The following LRRTM4 variants were observed in gnomAD, a reference collection of about 807,000 sequenced individuals.
LRRTM4 encodes leucine rich repeat transmembrane neuronal 4.
A neutral mutation model predicts 47.6 loss-of-function variants in LRRTM4; 25 were observed. That is an observed-to-expected ratio of 0.53 (90% confidence interval 0.38 to 0.73). LRRTM4 has a LOEUF of 0.73. LRRTM4 is among the 30% of genes least tolerant of loss of function. LRRTM4 has a pLI of 0.00. For synonymous variants in LRRTM4, 311 were observed against 269.5 expected, an observed-to-expected ratio of 1.15 and a Z score of -1.51; for missense variants, 638 against 713.4, an observed-to-expected ratio of 0.89 and a Z score of 1.20.
chr2:77,092,859 C>T (rs187769464), intron 3 of LRRTM4, among the ~76,000 whole-genome samples: 11,023 of 133,920 alleles, frequency 0.082, 504 homozygotes, highest in East Asian at 0.24. Flanking sequence ...ATATCCCTTA[C>T]GATCCTCCAT....
intron 3 of LRRTM4, among the ~76,000 whole-genome samples, chr2:77,355,394 T>C (rs1309609768): frequency 3.9e-5 from 6 of 152,188 alleles, no homozygotes; most frequent in African/African-American, 1.2e-4. Flanking sequence ...TAGGGTTGCT[T>C]TGAGGACTTC....
At chr2:76,892,469 T>C (rs572544407) in intron 3 of LRRTM4, among the ~76,000 whole-genome samples, 34 of 151,900 alleles carry the variant, frequency 2.2e-4, no homozygotes, top group Non-Finnish European at 4.3e-4. Context: ...GAACAGATTT[T>C]GGGAAGAACA....
intron 3 of LRRTM4, among the ~76,000 whole-genome samples, chr2:76,988,653 T>C (rs1446719): frequency 5.9e-5 from 9 of 151,800 alleles, no homozygotes; most frequent in Non-Finnish European, 1.0e-4. Context: ...ACTTAGTCAT[T>C]ACATTGCATA....
chr2:77,449,406 T>G (rs1332938168), intron 3 of LRRTM4, among the ~76,000 whole-genome samples: 2 of 152,190 alleles, frequency 1.3e-5, no homozygotes, highest in African/African-American at 4.8e-5. Flanking sequence ...TAAAAGTAGA[T>G]AATGTACAGA....
At chr2:77,322,700 G>T (rs1318375151) in intron 3 of LRRTM4, among the ~76,000 whole-genome samples, 2 of 151,018 alleles carry the variant, frequency 1.3e-5, no homozygotes, top group Admixed American at 6.6e-5. Context: ...TCAAACAGAT[G>T]CCAAAGTTTG....
At chr2:76,816,756 C>CTTCTCCTT (rs1670907504) in intron 3 of LRRTM4, among the ~76,000 whole-genome samples, 1 of 146,726 alleles carries the variant, frequency 6.8e-6, no homozygotes. Context: ...TTTCCTCTTC[C>CTTCTCCTT]TTCTCCTTTC....
intron 3 of LRRTM4, among the ~76,000 whole-genome samples, chr2:77,033,664 C>T (rs779339111): frequency 6.6e-6 from 1 of 151,816 alleles, no homozygotes; most frequent in Admixed American, 6.6e-5. Context: ...TGATAATAAT[C>T]TATGCTATGC....
chr2:77,028,549 G>A (rs1342348405), intron 3 of LRRTM4, among the ~76,000 whole-genome samples: 4 of 152,002 alleles, frequency 2.6e-5, no homozygotes. Context: ...GAACTATACT[G>A]TCAATAATTA....
chr2:77,104,814 G>T (rs1427506442), intron 3 of LRRTM4, among the ~76,000 whole-genome samples: 2 of 152,136 alleles, frequency 1.3e-5, no homozygotes, highest in South Asian at 4.1e-4. Context: ...ACCACTCATT[G>T]TTCACTTCAG....
intron 3 of LRRTM4, among the ~76,000 whole-genome samples, chr2:77,133,470 A>G (rs1265975798): frequency 6.6e-6 from 1 of 152,230 alleles, no homozygotes; most frequent in African/African-American, 2.4e-5. Context: ...TTTTTAAAAA[A>G]TAAGAATGAG....
intron 3 of LRRTM4, among the ~76,000 whole-genome samples, chr2:77,106,227 T>C (rs1054654077): frequency 5.9e-5 from 9 of 152,194 alleles, no homozygotes; most frequent in African/African-American, 2.2e-4. Context: ...TTCACTATTA[T>C]ATAAAACAAT....
At chr2:76,969,695 G>A (rs956606044) in intron 3 of LRRTM4, among the ~76,000 whole-genome samples, 2 of 151,868 alleles carry the variant, frequency 1.3e-5, no homozygotes, top group African/African-American at 4.8e-5. Context: ...TTATGATGAC[G>A]ATGATTAAGA....
At chr2:77,418,981 C>T (rs1359186364) in intron 3 of LRRTM4, among the ~76,000 whole-genome samples, 1 of 152,096 alleles carries the variant, frequency 6.6e-6, no homozygotes, top group Non-Finnish European at 1.5e-5. Context: ...TTCACTTATT[C>T]ATCATGTTTA....
At chr2:77,109,041 A>G (rs75370245) in intron 3 of LRRTM4, among the ~76,000 whole-genome samples, 2 of 152,230 alleles carry the variant, frequency 1.3e-5, no homozygotes, top group East Asian at 3.8e-4. Flanking sequence ...TATTATATTA[A>G]GCCTAGTGCT....
Position 77,259,770 on chromosome 2 carries a change from A to G in LRRTM4, c.1551+258548T>C, listed in dbSNP as rs537822830. 2.0e-5 allele frequency among the ~76,000 whole-genome samples: 3 copies of G among 152,214 alleles called. No individual in the cohort carries two copies. In the East Asian group the frequency reaches 5.8e-4, roughly 29 times the overall value. ...GAGCATGATTCAATACAGAGGATAT[A>G]TCATATGCAAGGCCAAGAGAAAATA... On this transcript the variant is annotated intron_variant, in intron 3 of 3. Coordinates refer to ENST00000409884, the MANE Select transcript of LRRTM4 (RefSeq NM_001134745.3).
At chr2:77,408,230 T>C (rs1674288189) in intron 3 of LRRTM4, among the ~76,000 whole-genome samples, 1 of 152,200 alleles carries the variant, frequency 6.6e-6, no homozygotes, top group Admixed American at 6.5e-5. Flanking sequence ...TTTAAGTGTG[T>C]GGCCTCTGCC....
At chr2:77,403,882 A>G (rs1032273661) in intron 3 of LRRTM4, among the ~76,000 whole-genome samples, 6 of 150,740 alleles carry the variant, frequency 4.0e-5, no homozygotes, top group African/African-American at 1.5e-4. Flanking sequence ...ATATATATAT[A>G]TATTTTAGGA....
chr2:76,883,400 G>T lies in LRRTM4; in HGVS notation c.1552-134484C>A, dbSNP rs6732318. Among the ~76,000 whole-genome samples, 643 of 152,256 alleles carry T rather than the reference G, an allele frequency of 4.2e-3. 6 individuals are homozygous for T. Among genetic ancestry groups the T allele is most frequent in the African/African-American group, 0.015 (608 of 41,544 alleles). On this transcript the variant is annotated intron_variant, in intron 3 of 3. Coordinates refer to ENST00000409884, the MANE Select transcript of LRRTM4 (RefSeq NM_001134745.3). ...AAAAATGGATTAATGGGGGACCTGA[G>T]TTCTACACTTCACCTTTAGCACTTT... is the stretch of plus-strand genomic sequence containing the variant.
At chr2:76,790,030 G>C (rs1674891448) in intron 3 of LRRTM4, among the ~76,000 whole-genome samples, 1 of 152,156 alleles carries the variant, frequency 6.6e-6, no homozygotes, top group East Asian at 1.9e-4. Flanking sequence ...TTGGATAAAT[G>C]TTCCCTCTTG....
Sources: allele counts gnomAD v4.1 joint callset (sites outside exome capture counted in the v4.1 genomes callset), GRCh38; gene constraint gnomAD v4.1.1; transcripts MANE v1.5; gene names NCBI Gene and HGNC (gene_info 2026-07-23, HGNC 2026-07-21).